The following NRXN1 variants were observed in gnomAD, a reference collection of about 807,000 sequenced individuals.
NRXN1 encodes neurexin-1.
NRXN1 carries 39 observed loss-of-function variants against 150.9 expected under a neutral mutation model. That is an observed-to-expected ratio of 0.26 (90% CI 0.20 to 0.34). NRXN1 has a LOEUF of 0.34. Among genes scored for constraint, NRXN1 ranks in the 10% least tolerant of loss-of-function variants. NRXN1 has a pLI of 1.00. For synonymous variants in NRXN1, 924 were observed against 757.0 expected (o/e 1.22, Z -3.62); for missense variants, 1,815 against 1,949.9 (o/e 0.93, Z 1.30).
rs1060503178 is a variant in NRXN1 at position 50,531,313 on chromosome 2, A to G, written c.2261T>C (p.Ile754Thr). 4 of 1,613,604 alleles carry G rather than the reference A, an allele frequency of 2.5e-6. No homozygotes were observed. The East Asian group carries it at 8.9e-5, about 36-fold the overall frequency. Residue 754 changes from isoleucine (I) to threonine (T), a missense_variant, in exon 11 of 23, where the codon ATT becomes ACT. Ile to Thr is a moderately conservative substitution (Grantham distance 89). Transcript: ENST00000401669. ...GTCTCTAGAAGTGGTTGCCATCAGA[A>G]TGCCATATGCACGCTGGGATCGGAA... ...LRFRSQRAYG[I>T]LMATTSRDSA...
intron 5 of NRXN1, among the ~76,000 whole-genome samples, chr2:50,770,627 C>T (rs1001459271): frequency 6.6e-6 from 1 of 152,010 alleles, no homozygotes; most frequent in African/African-American, 2.4e-5. Context: ...TAATTGCTTA[C>T]AATTAAATTT....
chr2:50,988,145 C>T (rs1697999440), intron 2 of NRXN1, among the ~76,000 whole-genome samples: 1 of 151,932 alleles, frequency 6.6e-6, no homozygotes, highest in Non-Finnish European at 1.5e-5. Context: ...CAATGTTCAG[C>T]TGACAAAAAT....
At chr2:50,967,463 A>C (rs1288599123) in intron 2 of NRXN1, among the ~76,000 whole-genome samples, 1 of 151,986 alleles carries the variant, frequency 6.6e-6, no homozygotes, top group African/African-American at 2.4e-5. Flanking sequence ...TTCCCCATAT[A>C]ATATTTCTTA....
At position 50,743,303 on chromosome 2, in the gene NRXN1, T is replaced by G. The variant is rs531990804; in HGVS notation, c.833-119688A>C. On this transcript the variant is annotated intron_variant, in intron 5 of 22. Transcript: ENST00000401669. ...TATGAGCTATGCACTTAAAATTCAC[T>G]GAAATTTTAAAGTGGGTATGCTCTA... Among the ~76,000 whole-genome samples the G allele has an allele frequency of 3.3e-5, 5 of 152,322 alleles. No individual in the cohort carries two copies. The East Asian group carries it at 5.8e-4, about 18-fold the overall frequency.
chr2:50,530,150 T>C (rs1428715362), intron 11 of NRXN1, among the ~76,000 whole-genome samples: 3 of 152,196 alleles, frequency 2.0e-5, no homozygotes, highest in Non-Finnish European at 4.4e-5. Context: ...ACCTCATTAA[T>C]TTTGACTCCT....
At chr2:50,263,277 C>T (rs1237359914) in intron 17 of NRXN1, among the ~76,000 whole-genome samples, 1 of 151,638 alleles carries the variant, frequency 6.6e-6, no homozygotes, top group Non-Finnish European at 1.5e-5. Context: ...GTTATTTATT[C>T]CTCAGATTTG....
intron 5 of NRXN1, among the ~76,000 whole-genome samples, chr2:50,697,194 G>A (rs1285547353): frequency 1.3e-5 from 2 of 152,160 alleles, no homozygotes; most frequent in Non-Finnish European, 2.9e-5. Context: ...ACGTAATTCT[G>A]AGTGTTATAT....
At chr2:50,467,753 G>C (rs2089050308) in intron 16 of NRXN1, among the ~76,000 whole-genome samples, 1 of 150,832 alleles carries the variant, frequency 6.6e-6, no homozygotes, top group Non-Finnish European at 1.5e-5. Flanking sequence ...CCCAAATCCA[G>C]GAAACCTGAA....
chr2:50,653,564 T>G (rs1026130059), intron 5 of NRXN1, among the ~76,000 whole-genome samples: 25 of 152,162 alleles, frequency 1.6e-4, no homozygotes, highest in African/African-American at 5.5e-4. Flanking sequence ...ATGGAGGCAG[T>G]TTTGGCCAAA....
chr2:50,924,377 T>C (rs200852421), intron 3 of NRXN1, among the ~76,000 whole-genome samples: 13 of 127,094 alleles, frequency 1.0e-4, no homozygotes, highest in Non-Finnish European at 2.1e-4. Context: ...ATTCTAAAAA[T>C]AAATCTTACC....
intron 21 of NRXN1, among the ~76,000 whole-genome samples, chr2:49,951,899 TGATG>T (rs1199098666): frequency 1.3e-5 from 2 of 151,996 alleles, no homozygotes; most frequent in Non-Finnish European, 2.9e-5. Context: ...AAAATGCCTA[TGATG>T]GATAATTTCA....
chr2:49,966,066 C>T (rs1471361637), intron 21 of NRXN1, among the ~76,000 whole-genome samples: 1 of 152,062 alleles, frequency 6.6e-6, no homozygotes, highest in African/African-American at 2.4e-5. Flanking sequence ...TTTTCACTTA[C>T]AGTAAATAAT....
At chr2:50,056,947 A>G (rs565571765) in intron 19 of NRXN1, among the ~76,000 whole-genome samples, 3 of 152,210 alleles carry the variant, frequency 2.0e-5, no homozygotes, top group Admixed American at 6.6e-5. Context: ...GAGTCTTCCA[A>G]TCATCAGGCA....
chr2:50,242,366 C>T (rs1056473652), intron 17 of NRXN1, among the ~76,000 whole-genome samples: 9 of 151,774 alleles, frequency 5.9e-5, no homozygotes, highest in Non-Finnish European at 1.0e-4. Context: ...ATCAGGGCAA[C>T]ATTTCTAAAC....
chr2:50,296,534 T>C (rs116275231), intron 17 of NRXN1, among the ~76,000 whole-genome samples: 1 of 150,868 alleles, frequency 6.6e-6, no homozygotes, highest in African/African-American at 2.4e-5. Context: ...TTATTATTAT[T>C]ATCATTATTA....
chr2:49,974,160 T>G (rs1295102430), intron 21 of NRXN1: 1 of 711,998 alleles, frequency 1.4e-6, no homozygotes, highest in African/African-American at 1.7e-5. Flanking sequence ...CAGCCCGGCC[T>G]ATCAGTGCCC....
chr2:50,744,310 A>G (rs931652357), intron 5 of NRXN1, among the ~76,000 whole-genome samples: 5 of 152,172 alleles, frequency 3.3e-5, no homozygotes, highest in African/African-American at 1.2e-4. Flanking sequence ...GGAACAAAAA[A>G]GAATGAACAG....
intron 2 of NRXN1, among the ~76,000 whole-genome samples, chr2:50,973,559 A>G (rs964002584): frequency 1.3e-5 from 2 of 152,072 alleles, no homozygotes; most frequent in Non-Finnish European, 2.9e-5. Context: ...ATCTTTCTTC[A>G]TTAATTAATT....
At chr2:50,896,236 A>C (rs1446668914) in intron 5 of NRXN1, among the ~76,000 whole-genome samples, 1 of 152,176 alleles carries the variant, frequency 6.6e-6, no homozygotes, top group Non-Finnish European at 1.5e-5. Context: ...CAAGAAAAAA[A>C]AATAACTCAG....
Sources: allele counts gnomAD v4.1 joint callset (sites outside exome capture counted in the v4.1 genomes callset), GRCh38; gene constraint gnomAD v4.1.1; transcripts MANE v1.5; gene names NCBI Gene and HGNC (gene_info 2026-07-23, HGNC 2026-07-21).